Variants in GABRG3 observed in about 807,000 individuals in gnomAD.
The protein encoded by GABRG3 is gamma-aminobutyric acid receptor subunit gamma-3.
Under a neutral mutation model 48.8 loss-of-function variants are expected in GABRG3, and 25 were observed. That is an observed-to-expected ratio of 0.51 (90% confidence interval 0.37 to 0.72). The LOEUF is 0.72. Ranked by LOEUF, GABRG3 falls within the 30% of genes least tolerant of loss-of-function variation. The pLI, the probability that GABRG3 is intolerant of heterozygous loss-of-function variation, is 0.00. For missense variants in GABRG3, 394 were observed against 577.9 expected, an observed-to-expected ratio of 0.68 and a Z score of 3.26; for synonymous variants, 227 against 217.6, an observed-to-expected ratio of 1.04 and a Z score of -0.38.
chr15:27,090,755 T>TG (rs1391130515), intron 3 of GABRG3, among the ~76,000 whole-genome samples: 9 of 152,350 alleles, frequency 5.9e-5, no homozygotes, highest in Middle Eastern at 3.4e-3. Flanking sequence ...CTATTGTAAA[T>TG]GAAATAGTTT....
intron 6 of GABRG3, among the ~76,000 whole-genome samples, chr15:27,507,375 G>A (rs1890785348): frequency 6.6e-6 from 1 of 152,086 alleles, no homozygotes; most frequent in Non-Finnish European, 1.5e-5. Flanking sequence ...GTGGTGGTGT[G>A]AGCCTGTAGT....
At chr15:27,095,067 A>G (rs1185012936) in intron 3 of GABRG3, among the ~76,000 whole-genome samples, 1 of 152,132 alleles carries the variant, frequency 6.6e-6, no homozygotes, top group African/African-American at 2.4e-5. Context: ...AGAGACAGGC[A>G]TCTCTGCAAA....
At chr15:27,176,431 G>A (rs1887748020) in intron 3 of GABRG3, among the ~76,000 whole-genome samples, 1 of 152,164 alleles carries the variant, frequency 6.6e-6, no homozygotes, top group African/African-American at 2.4e-5. Flanking sequence ...TCTAGGTTAT[G>A]CCAAAGGATC....
At chr15:27,093,323 T>G (rs1897222209) in intron 3 of GABRG3, among the ~76,000 whole-genome samples, 1 of 152,124 alleles carries the variant, frequency 6.6e-6, no homozygotes, top group Non-Finnish European at 1.5e-5. Context: ...CCCTCCTCAT[T>G]GGTTTTCCCA....
At position 27,448,458 on chromosome 15, in the gene GABRG3, T is replaced by C. The variant is rs867756171; in HGVS notation, c.575-32192T>C. On this transcript the variant is annotated intron_variant, in intron 5 of 9. Transcript: ENST00000615808. ...ACCACTCATGACGTAATTATTCACA[T>C]GATTATGCCTGAAAAAATAGAATAT... 4.6e-5 allele frequency among the ~76,000 whole-genome samples: 7 copies of C among 152,332 alleles called. 1 individual carries two copies. In the Middle Eastern group the frequency reaches 0.01, roughly 222 times the overall value.
intron 3 of GABRG3, among the ~76,000 whole-genome samples, chr15:27,201,558 A>G (rs1168799315): frequency 6.7e-6 from 1 of 150,226 alleles, no homozygotes; most frequent in Non-Finnish European, 1.5e-5. Flanking sequence ...AGAAATTTCC[A>G]TTAAGGGTCT....
intron 3 of GABRG3, among the ~76,000 whole-genome samples, chr15:27,174,791 G>A (rs1042491010): frequency 6.6e-6 from 1 of 152,022 alleles, no homozygotes; most frequent in African/African-American, 2.4e-5. Context: ...AGTGGTCCTT[G>A]GGCATCACAT....
intron 3 of GABRG3, among the ~76,000 whole-genome samples, chr15:27,209,375 TTTTCTTTTCTTTC>T (rs1888993705): frequency 6.7e-6 from 1 of 149,294 alleles, no homozygotes; most frequent in Admixed American, 6.6e-5. Context: ...TCCTTCTTTC[TTTTCTTTTCTTTC>T]TTTCTTTTCT....
chr15:27,132,963 T>A (rs988889923), intron 3 of GABRG3, among the ~76,000 whole-genome samples: 29 of 146,036 alleles, frequency 2.0e-4, no homozygotes, highest in African/African-American at 6.3e-4. Context: ...TCAGCATTGC[T>A]TTTATTCTGT....
chr15:27,053,426 C>A (rs920183778), intron 3 of GABRG3, among the ~76,000 whole-genome samples: 2 of 152,110 alleles, frequency 1.3e-5, no homozygotes, highest in African/African-American at 4.8e-5. Flanking sequence ...AAATCAAAAC[C>A]ACAGTGAGAC....
intron 3 of GABRG3, among the ~76,000 whole-genome samples, chr15:27,099,147 A>T (rs184861086): frequency 3.4e-4 from 52 of 152,360 alleles, no homozygotes; most frequent in Admixed American, 1.2e-3. Flanking sequence ...ATGCAGAGAA[A>T]ATACTTAGAC....
chr15:27,145,641 CTATCTATCTATCTATCTATCTATT>C (rs1402126600), intron 3 of GABRG3, among the ~76,000 whole-genome samples: 109 of 149,686 alleles, frequency 7.3e-4, no homozygotes, highest in African/African-American at 2.6e-3. Context: ...ATCTATCTAT[CTATCTATCTATCTATCTATCTATT>C]GTGCCAGAAG....
intron 3 of GABRG3, among the ~76,000 whole-genome samples, chr15:27,257,464 A>G (rs553971546): frequency 6.6e-6 from 1 of 151,842 alleles, no homozygotes; most frequent in Non-Finnish European, 1.5e-5. Flanking sequence ...GACCAATGTC[A>G]TGGAGCTTTT....
chr15:27,013,328 T>C lies in GABRG3; in HGVS notation c.203-13426T>C, dbSNP rs546912257. Reference sequence around the variant, plus strand: ...ATTCACCTGTTGATTGACATTTCTGTTCCTTCTACGTCTTGGCTATTGTGA... The same window carrying C: ...ATTCACCTGTTGATTGACATTTCTGCTCCTTCTACGTCTTGGCTATTGTGA... On this transcript the variant is annotated intron_variant, in intron 2 of 9. Coordinates refer to ENST00000615808, the MANE Select transcript of GABRG3 (RefSeq NM_033223.5). 1.4e-4 allele frequency among the ~76,000 whole-genome samples: 21 copies of C among 152,242 alleles called. 1 individual carries two copies. Among genetic ancestry groups the C allele is most frequent in the African/African-American group, 4.8e-4 (20 of 41,566 alleles).
intron 3 of GABRG3, among the ~76,000 whole-genome samples, chr15:27,278,670 C>A (rs926362896): frequency 2.0e-5 from 3 of 152,116 alleles, no homozygotes; most frequent in African/African-American, 7.2e-5. Context: ...GGTATGCATG[C>A]CCAACAGTTT....
rs538539970 is a variant in GABRG3, at chr15:27,344,103, G to A, written c.574+15215G>A. Reference sequence around the variant, plus strand: ...AGGCTGTACTTCCAGAGAAACCAGCGAGGGTAGCATCTCAGTCCTCATCTT... The same window carrying A: ...AGGCTGTACTTCCAGAGAAACCAGCAAGGGTAGCATCTCAGTCCTCATCTT... On this transcript the variant is annotated intron_variant, in intron 5 of 9. Coordinates refer to ENST00000615808, the MANE Select transcript of GABRG3 (RefSeq NM_033223.5). Among the ~76,000 whole-genome samples, 11 of 152,318 alleles carry A rather than the reference G, an allele frequency of 7.2e-5. No homozygotes were observed. The East Asian group carries it at 1.5e-3, about 21-fold the overall frequency.
chr15:27,308,458 T>G (rs919571149), intron 3 of GABRG3, among the ~76,000 whole-genome samples: 1 of 127,072 alleles, frequency 7.9e-6, no homozygotes, highest in Non-Finnish European at 1.5e-5. Flanking sequence ...TATGCAAACA[T>G]ACATGTTTAT....
intron 3 of GABRG3, among the ~76,000 whole-genome samples, chr15:27,167,432 A>G (rs142088894): frequency 6.6e-6 from 1 of 152,262 alleles, no homozygotes; most frequent in Non-Finnish European, 1.5e-5. Flanking sequence ...TAAAACCAAG[A>G]TGTCCTGGCT....
intron 3 of GABRG3, among the ~76,000 whole-genome samples, chr15:27,250,003 C>T (rs889591773): frequency 5.9e-5 from 9 of 152,238 alleles, no homozygotes; most frequent in Admixed American, 2.6e-4. Context: ...TGAGTCAGCA[C>T]GCACAGGTGG....
Sources: allele counts gnomAD v4.1 joint callset (sites outside exome capture counted in the v4.1 genomes callset), GRCh38; gene constraint gnomAD v4.1.1; transcripts MANE v1.5; gene names NCBI Gene and HGNC (gene_info 2026-07-23, HGNC 2026-07-21).